AMMECR1: variants seen among roughly 807,000 people sequenced by gnomAD.
AMMECR1 encodes AMMECR nuclear protein 1.
A neutral mutation model predicts 22.5 loss-of-function variants in AMMECR1; 3 were observed. That is an observed-to-expected ratio of 0.13 (90% CI 0.06 to 0.35). The LOEUF (loss-of-function observed/expected upper bound fraction) is 0.35. Ranked by LOEUF, AMMECR1 falls within the 10% of genes least tolerant of loss-of-function variation. AMMECR1 has a pLI of 1.00. For synonymous variants in AMMECR1, 130 were observed against 116.7 expected, an observed-to-expected ratio of 1.11 and a Z score of -0.74; for missense variants, 235 against 278.7, an observed-to-expected ratio of 0.84 and a Z score of 1.12.
chrX:110,381,026 G>A (rs755982458), intron 2 of AMMECR1, among the ~76,000 whole-genome samples: 1 of 112,212 alleles, frequency 8.9e-6, no homozygotes, highest in South Asian at 3.7e-4. Flanking sequence ...TTGGACATCA[G>A]CCTAGGCAAA....
At chrX:110,379,814 T>C (rs981008523) in intron 2 of AMMECR1, among the ~76,000 whole-genome samples, 1 of 112,224 alleles carries the variant, frequency 8.9e-6, no homozygotes, top group African/African-American at 3.2e-5. Flanking sequence ...GGCCTTTGAG[T>C]GGTCTTTTCA....
At chrX:110,389,026 C>T (rs754577743) in intron 2 of AMMECR1, among the ~76,000 whole-genome samples, 53 of 111,700 alleles carry the variant, frequency 4.7e-4, no homozygotes, top group South Asian at 3.0e-3. Context: ...TAGTGTTTCC[C>T]AAAATGTGCA....
intron 2 of AMMECR1, among the ~76,000 whole-genome samples, chrX:110,246,206 A>G (rs1299255850): frequency 8.9e-6 from 1 of 112,140 alleles, no homozygotes; most frequent in Non-Finnish European, 1.9e-5. Flanking sequence ...AGGTGTGATT[A>G]GAATATCTAA....
At chrX:110,207,518 C>G (rs2067427480) in intron 3 of AMMECR1, among the ~76,000 whole-genome samples, 1 of 110,669 alleles carries the variant, frequency 9.0e-6, no homozygotes, top group African/African-American at 3.3e-5. Flanking sequence ...TCCTAATGAA[C>G]CACTTTCCCC....
chrX:110,438,337 A>G (rs2068854397), intron 1 of AMMECR1, among the ~76,000 whole-genome samples: 2 of 111,814 alleles, frequency 1.8e-5, no homozygotes, highest in South Asian at 3.8e-4. Context: ...GGCCAATGGA[A>G]CATTCTTAAT....
chrX:110,435,273 G>A (rs1487420022), intron 1 of AMMECR1, among the ~76,000 whole-genome samples: 1 of 111,695 alleles, frequency 9.0e-6, no homozygotes, highest in Non-Finnish European at 1.9e-5. Flanking sequence ...GAGTTCTTTA[G>A]TGTGGGAGTA....
chrX:110,219,309 G>A, intron 2 of AMMECR1: 3 of 728,366 alleles, frequency 4.1e-6, no homozygotes, highest in Non-Finnish European at 4.9e-6. Context: ...ATTTGTTGTT[G>A]TTTGACCTTT....
chrX:110,309,248 G>T (rs1353743490), intron 1 of AMMECR1: 1 of 111,981 alleles, frequency 8.9e-6, no homozygotes, highest in Non-Finnish European at 1.9e-5. Context: ...CATTCCATAG[G>T]AATTACTCAA....
At chrX:110,268,848 A>G (rs769320207) in intron 1 of AMMECR1, among the ~76,000 whole-genome samples, 4 of 111,888 alleles carry the variant, frequency 3.6e-5, no homozygotes, top group African/African-American at 1.3e-4. Context: ...ATAGTAAGAC[A>G]AAGATTGGAT....
chrX:110,305,966 G>C (rs1602880312), intron 1 of AMMECR1, among the ~76,000 whole-genome samples: 1 of 110,977 alleles, frequency 9.0e-6, no homozygotes, highest in East Asian at 2.8e-4. Flanking sequence ...CTGGGTGACA[G>C]AGCAAGACTC....
intron 1 of AMMECR1, among the ~76,000 whole-genome samples, chrX:110,297,645 T>C (rs192475179): frequency 3.6e-5 from 4 of 112,130 alleles, no homozygotes; most frequent in African/African-American, 1.3e-4. Context: ...TGGAAGCTTT[T>C]GGTTAATTTT....
At chrX:110,222,302 T>C in intron 2 of AMMECR1, among the ~76,000 whole-genome samples, 1 of 90,852 alleles carries the variant, frequency 1.1e-5, no homozygotes, top group African/African-American at 4.1e-5. Flanking sequence ...TGTAGGGACA[T>C]GGATGAAATT....
chrX:110,231,537 A>G (rs2067566325), intron 2 of AMMECR1, among the ~76,000 whole-genome samples: 1 of 112,297 alleles, frequency 8.9e-6, no homozygotes, highest in African/African-American at 3.2e-5. Context: ...GAAAGAAACA[A>G]CTGGTACCAG....
At position 110,371,068 on chromosome X, in the gene AMMECR1, C is replaced by G. The variant is rs149902031; in HGVS notation, c.-147-53219G>C. 6.2e-4 allele frequency among the ~76,000 whole-genome samples: 69 copies of G among 111,114 alleles called. No individual in the cohort carries two copies. In the East Asian group the frequency reaches 0.019, roughly 30 times the overall value. ...GTATAAAATGCCTTTGTGGAATATTCTCTACTTGCCCCTCAAGATCCACTT... is the reference window on the plus strand; with the variant it reads ...GTATAAAATGCCTTTGTGGAATATTGTCTACTTGCCCCTCAAGATCCACTT... On this transcript the variant is annotated intron_variant, in intron 2 of 7. Transcript: ENST00000372057.
At chrX:110,407,492 G>T (rs1358940858) in intron 2 of AMMECR1, among the ~76,000 whole-genome samples, 2 of 112,662 alleles carry the variant, frequency 1.8e-5, no homozygotes, top group African/African-American at 6.5e-5. Flanking sequence ...TTTACTAGCA[G>T]ATTACTATGT....
chrX:110,324,709 G>T, intron 2 of AMMECR1, among the ~76,000 whole-genome samples: 1 of 104,816 alleles, frequency 9.5e-6, no homozygotes, highest in African/African-American at 3.5e-5. Flanking sequence ...CTTTTACTGT[G>T]TCTATTGACA....
intron 2 of AMMECR1, among the ~76,000 whole-genome samples, chrX:110,224,263 C>T (rs2067519795): frequency 9.0e-6 from 1 of 110,956 alleles, no homozygotes; most frequent in African/African-American, 3.3e-5. Context: ...CTGGTGTTTT[C>T]ATTTCATTTT....
intron 1 of AMMECR1, among the ~76,000 whole-genome samples, chrX:110,427,065 A>G (rs573226799): frequency 8.9e-6 from 1 of 112,171 alleles, no homozygotes; most frequent in South Asian, 3.8e-4. Context: ...CCTGCCAAGT[A>G]TATTTCCTAA....
At chrX:110,333,248 T>C (rs1021912624) in intron 2 of AMMECR1, among the ~76,000 whole-genome samples, 1 of 111,712 alleles carries the variant, frequency 9.0e-6, no homozygotes, top group Admixed American at 9.5e-5. Flanking sequence ...TCAGAGCAGA[T>C]TGAATTTTGT....
Sources: allele counts gnomAD v4.1 joint callset (sites outside exome capture counted in the v4.1 genomes callset), GRCh38; gene constraint gnomAD v4.1.1; transcripts MANE v1.5; gene names NCBI Gene and HGNC (gene_info 2026-07-23, HGNC 2026-07-21).